The following ACOXL variants were observed in gnomAD, a reference collection of about 807,000 sequenced individuals.
ACOXL encodes the protein acyl-coenzyme A oxidase-like protein.
Under a neutral mutation model 71.9 loss-of-function variants are expected in ACOXL, and 70 were observed. That is an observed-to-expected ratio of 0.97 (90% CI 0.80 to 1.19). The LOEUF is 1.19. Ranked by LOEUF, ACOXL falls within the 50% of genes most tolerant of loss-of-function variation. The pLI, the probability that ACOXL is intolerant of heterozygous loss-of-function variation, is 0.00. For synonymous variants in ACOXL, 253 were observed against 281.6 expected (o/e 0.90, Z 1.02); for missense variants, 703 against 736.3 (o/e 0.95, Z 0.52).
At chr2:110,775,498 T>A (rs915631898) in intron 2 of ACOXL, among the ~76,000 whole-genome samples, 2 of 152,132 alleles carry the variant, frequency 1.3e-5, no homozygotes, top group Admixed American at 1.3e-4. Flanking sequence ...ATATGTCTGA[T>A]AAGGGATTGA....
At chr2:110,763,742 A>G (rs1680691460) in intron 1 of ACOXL, among the ~76,000 whole-genome samples, 2 of 152,220 alleles carry the variant, frequency 1.3e-5, no homozygotes, top group African/African-American at 4.8e-5. Context: ...AAAAGGATGA[A>G]AAGGCAAGCC....
At chr2:111,105,787 T>G (rs2069499457) in intron 17 of ACOXL, among the ~76,000 whole-genome samples, 1 of 152,200 alleles carries the variant, frequency 6.6e-6, no homozygotes, top group Admixed American at 6.5e-5. Context: ...ACATGTTATC[T>G]GCAAATAGAG....
chr2:110,900,108 CACACACACACACACACACACACT>C, intron 10 of ACOXL, among the ~76,000 whole-genome samples: 1 of 80,440 alleles, frequency 1.2e-5, no homozygotes, highest in Non-Finnish European at 3.5e-5. Context: ...CACACACACA[CACACACACACACACACACACACT>C]TCTTCTAAAA....
At chr2:111,015,608 C>G (rs1184710081) in intron 14 of ACOXL, among the ~76,000 whole-genome samples, 1 of 152,150 alleles carries the variant, frequency 6.6e-6, no homozygotes, top group African/African-American at 2.4e-5. Context: ...CAGCAATTCC[C>G]TTCCTAGATA....
At chr2:110,943,447 T>A (rs1305771533) in intron 12 of ACOXL, among the ~76,000 whole-genome samples, 1 of 152,106 alleles carries the variant, frequency 6.6e-6, no homozygotes, top group Non-Finnish European at 1.5e-5. Context: ...TATCTGACCC[T>A]AGAGCCCACG....
At chr2:110,951,346 G>T (rs980999242) in intron 12 of ACOXL, among the ~76,000 whole-genome samples, 9 of 152,208 alleles carry the variant, frequency 5.9e-5, no homozygotes, top group Non-Finnish European at 1.3e-4. Flanking sequence ...CGATCTGTTT[G>T]TAGTTCTTTT....
At chr2:110,735,432 G>A (rs1676707869) in intron 1 of ACOXL, among the ~76,000 whole-genome samples, 1 of 152,202 alleles carries the variant, frequency 6.6e-6, no homozygotes, top group South Asian at 2.1e-4. Context: ...AGTGCTGTGT[G>A]TACATAGTGA....
At chr2:111,087,760 C>G (rs1215200561) in intron 16 of ACOXL, among the ~76,000 whole-genome samples, 1 of 152,202 alleles carries the variant, frequency 6.6e-6, no homozygotes, top group African/African-American at 2.4e-5. Context: ...GACAAAGATG[C>G]CAAAAGCAAT....
intron 12 of ACOXL, chr2:110,963,710 T>G (rs745756127): frequency 6.2e-7 from 1 of 1,613,890 alleles, no homozygotes; most frequent in Admixed American, 1.7e-5. Flanking sequence ...TTGTTATGCT[T>G]CAGGTAAGAT....
chr2:110,774,317 C>T (rs1230509549), intron 2 of ACOXL, among the ~76,000 whole-genome samples: 1 of 152,018 alleles, frequency 6.6e-6, no homozygotes, highest in African/African-American at 2.4e-5. Flanking sequence ...AAGTAAATTT[C>T]TGGTATGTCA....
intron 14 of ACOXL, among the ~76,000 whole-genome samples, chr2:111,022,182 G>T (rs2064794222): frequency 6.6e-6 from 1 of 151,968 alleles, no homozygotes; most frequent in Non-Finnish European, 1.5e-5. Context: ...GGCCAACATG[G>T]TGAAACCCTG....
At chr2:110,963,318 G>T (rs921587272) in intron 12 of ACOXL, among the ~76,000 whole-genome samples, 2 of 140,256 alleles carry the variant, frequency 1.4e-5, no homozygotes, top group Non-Finnish European at 1.5e-5. Flanking sequence ...GAAGAACGAG[G>T]TAAAAAAAAA....
chr2:110,823,162 A>C (rs550082624), intron 9 of ACOXL, among the ~76,000 whole-genome samples: 1 of 151,982 alleles, frequency 6.6e-6, no homozygotes, highest in East Asian at 1.9e-4. Flanking sequence ...CTGAGGCAGG[A>C]GAATCACTTG....
At chr2:111,088,796 A>G (rs559115806) in intron 16 of ACOXL, among the ~76,000 whole-genome samples, 1 of 152,018 alleles carries the variant, frequency 6.6e-6, no homozygotes, top group Non-Finnish European at 1.5e-5. Flanking sequence ...AAACAAAAAC[A>G]AAAAAAAGTA....
chr2:110,760,645 G>A (rs1343388645), intron 1 of ACOXL, among the ~76,000 whole-genome samples: 1 of 152,194 alleles, frequency 6.6e-6, no homozygotes, highest in Non-Finnish European at 1.5e-5. Flanking sequence ...CTAGAGGTAG[G>A]TTGGTTTAAG....
intron 1 of ACOXL, among the ~76,000 whole-genome samples, chr2:110,757,045 C>G (rs984764571): frequency 5.3e-5 from 8 of 152,104 alleles, no homozygotes; most frequent in African/African-American, 1.9e-4. Flanking sequence ...CTGATGCTCT[C>G]CCTCCTCCAA....
chr2:111,044,693 C>T (rs890356845), intron 15 of ACOXL, among the ~76,000 whole-genome samples: 1 of 152,168 alleles, frequency 6.6e-6, no homozygotes, highest in African/African-American at 2.4e-5. Flanking sequence ...TTATTCGAAA[C>T]AGCATATTAT....
At chr2:111,020,274 T>C (rs763292135) in intron 14 of ACOXL, among the ~76,000 whole-genome samples, 12 of 152,188 alleles carry the variant, frequency 7.9e-5, no homozygotes, top group Non-Finnish European at 1.2e-4. Flanking sequence ...CGTGCTGTGC[T>C]GGTTGCTGGG....
chr2:110,968,956 A>G (rs1166752620), intron 12 of ACOXL, among the ~76,000 whole-genome samples: 1 of 152,228 alleles, frequency 6.6e-6, no homozygotes, highest in African/African-American at 2.4e-5. Context: ...AAAGGAATTA[A>G]AAAGGTACAG....
Sources: gnomAD v4.1 joint callset for allele counts (sites outside exome capture counted in the v4.1 genomes callset) on GRCh38, gnomAD v4.1.1 for gene constraint, MANE v1.5 for transcripts, NCBI Gene and HGNC (gene_info 2026-07-23, HGNC 2026-07-21) for gene names.